Variants in CDH23 observed in about 807,000 individuals in gnomAD.
CDH23 encodes cadherin related 23.
A neutral mutation model predicts 317.1 loss-of-function variants in CDH23; 189 were observed. The ratio of observed to expected loss-of-function variants is 0.60; its 90% CI spans 0.53 to 0.67. The LOEUF (loss-of-function observed/expected upper bound fraction) is 0.67, where lower values mean the gene tolerates loss of function less well. Ranked by LOEUF, CDH23 falls within the 30% of genes least tolerant of loss-of-function variation. The pLI, the probability that CDH23 is intolerant of heterozygous loss-of-function variation, is 0.00. For synonymous variants in CDH23, 1,839 were observed against 1,876.8 expected, an observed-to-expected ratio of 0.98 and a Z score of 0.52; for missense variants, 4,401 against 4,592.4, an observed-to-expected ratio of 0.96 and a Z score of 1.20.
At chr10:71,799,461 C>T in intron 51 of CDH23, 31 bp from the exon 52 acceptor site, 8 of 1,613,680 alleles carry the variant, frequency 5.0e-6, no homozygotes, top group African/African-American at 1.3e-5. Context: ...TGACCTTGGC[C>T]TACTCTCTCT....
Position 71,501,748 on chromosome 10 carries a change from G to T in CDH23, c.146-8334G>T, listed in dbSNP as rs1167684892. 3.3e-5 allele frequency among the ~76,000 whole-genome samples: 5 copies of T among 152,226 alleles called. No individual in the cohort carries two copies. The East Asian group carries it at 7.7e-4, about 23-fold the overall frequency. On this transcript the variant is annotated intron_variant, in intron 3 of 69. Transcript: ENST00000224721. ...AGAGGAGAGACAAATGAGATGGCAG[G>T]CTCCAAGGCCAGCTCAGGCTCTGGG... is the stretch of plus-strand genomic sequence containing the variant.
chr10:71,562,992 T>G (rs1340037114), intron 6 of CDH23, among the ~76,000 whole-genome samples: 2 of 152,188 alleles, frequency 1.3e-5, no homozygotes, highest in Non-Finnish European at 2.9e-5. Flanking sequence ...CTGAAGTCAC[T>G]TGGAACAAAC....
rs1840004889 is a variant in CDH23, at chr10:71,751,639, T to C, written c.4845+9718T>C. ...CATGAGGTCATGACCTTACAGGTCA[T>C]CGTGCTGTGAAGGTCAGGAAACACT... On this transcript the variant is annotated intron_variant, in intron 38 of 69. Transcript: ENST00000224721. This position sits in a 1 kb window ranked among gnomAD's most constrained non-coding sequence, Gnocchi z 4.9. 2 of 1,512,730 alleles carry C rather than the reference T, an allele frequency of 1.3e-6. No homozygotes were observed. The highest frequency in any genetic ancestry group is 1.4e-5 in the African/African-American group (1 of 71,582). 93.7% of individuals were successfully genotyped at this position (1,512,730 alleles called of 1,614,324 possible). A position where few individuals can be genotyped will look rare whatever the true frequency, so the allele number is the denominator to read the frequency against.
chr10:71,476,374 A>G (rs1444035917), intron 3 of CDH23, among the ~76,000 whole-genome samples: 1 of 152,114 alleles, frequency 6.6e-6, no homozygotes, highest in African/African-American at 2.4e-5. Flanking sequence ...CAGGCTTCTC[A>G]CTGTATTGAG....
At chr10:71,691,808 A>C (rs1174214850) in intron 20 of CDH23, among the ~76,000 whole-genome samples, 1 of 152,220 alleles carries the variant, frequency 6.6e-6, no homozygotes, top group Non-Finnish European at 1.5e-5. Flanking sequence ...GCAGGGCATC[A>C]GCTCTTCCTG....
In CDH23 at chr10:71,570,654, A is replaced by T. The variant is rs144688451; in HGVS notation, c.625-136A>T. 632 of 928,852 alleles carry T rather than the reference A, an allele frequency of 6.8e-4. 1 individual carries two copies. Among genetic ancestry groups the T allele is most frequent in the Non-Finnish European group, 6.3e-5 (39 of 618,136 alleles). 57.5% of individuals were successfully genotyped at this position (928,852 alleles called of 1,614,324 possible). On this transcript the variant is annotated intron_variant, in intron 7 of 69. Transcript: ENST00000224721. Reference sequence around the variant, plus strand: ...CCCTTCCCTGCTGGAGTGCAAGAGCATGGGTGTGTGTGTGCGTGTGCATGT... The same window carrying T: ...CCCTTCCCTGCTGGAGTGCAAGAGCTTGGGTGTGTGTGTGCGTGTGCATGT...
intron 34 of CDH23, among the ~76,000 whole-genome samples, chr10:71,737,501 G>A (rs1589386920): frequency 6.6e-6 from 1 of 152,216 alleles, no homozygotes; most frequent in African/African-American, 2.4e-5. Context: ...CTGTATAGAA[G>A]GAAGAATGAC....
At chr10:71,771,998 C>T (rs1247723191) in intron 38 of CDH23, among the ~76,000 whole-genome samples, 3 of 152,252 alleles carry the variant, frequency 2.0e-5, no homozygotes, top group East Asian at 3.8e-4. Context: ...GGGATGCTGG[C>T]TTGCCTGCCT....
chr10:71,731,026 CT>C (rs1281851625), intron 31 of CDH23, among the ~76,000 whole-genome samples: 13 of 152,248 alleles, frequency 8.5e-5, no homozygotes, highest in African/African-American at 3.1e-4. Context: ...CGCAGACCCC[CT>C]GACCCTGTAC....
At chr10:71,613,054 G>A (rs1035578259) in intron 9 of CDH23, among the ~76,000 whole-genome samples, 6 of 152,128 alleles carry the variant, frequency 3.9e-5, no homozygotes, top group Non-Finnish European at 7.4e-5. Context: ...TTGCCATGTT[G>A]GCCAGGCTGG....
At chr10:71,403,597 A>G (rs1010987044) in intron 1 of CDH23, among the ~76,000 whole-genome samples, 1 of 145,832 alleles carries the variant, frequency 6.9e-6, no homozygotes, top group East Asian at 2.1e-4. Flanking sequence ...GCTTACTGCA[A>G]CCTCCGCCTC....
At chr10:71,788,205 G>A (rs9416007) in intron 44 of CDH23, among the ~76,000 whole-genome samples, 77,623 of 151,852 alleles carry the variant, frequency 0.51, 20,232 homozygotes, top group Middle Eastern at 0.7. Flanking sequence ...AAGCCATCAT[G>A]CCCAGCTAAT....
intron 11 of CDH23, among the ~76,000 whole-genome samples, chr10:71,639,685 C>T (rs935083641): frequency 1.3e-5 from 2 of 152,156 alleles, no homozygotes; most frequent in Admixed American, 6.5e-5. Context: ...AGTGGACTGA[C>T]GCTGTCTTTG....
intron 35 of CDH23, 127 bp downstream of exon 35, chr10:71,738,774 C>G: frequency 8.4e-7 from 1 of 1,196,768 alleles, no homozygotes; most frequent in Non-Finnish European, 1.2e-6. Context: ...TCTGCCCCTG[C>G]AATCACCCAG....
Position 71,425,232 on chromosome 10 carries a change from G to GAGA in CDH23, c.-5-14595_-5-14594insAGA, listed in dbSNP as rs1849006230. On this transcript the variant is annotated intron_variant, in intron 1 of 69. Transcript: ENST00000224721. ...ATCACAGTGGGGCAGAGAGAGAGAG[G>GAGA]GAGAGAGAGAGAGAGAGAGAGAGAG... is the stretch of plus-strand genomic sequence containing the variant. 4.6e-3 allele frequency among the ~76,000 whole-genome samples: 338 copies of GAGA among 73,960 alleles called. 31 individuals carry two copies. The highest frequency in any genetic ancestry group is 0.012 in the African/African-American group (264 of 21,550). 48.5% of individuals were successfully genotyped at this position (73,960 alleles called of 152,430 possible).
chr10:71,666,903 A>C (rs1489957023), intron 14 of CDH23, among the ~76,000 whole-genome samples: 1 of 152,238 alleles, frequency 6.6e-6, no homozygotes, highest in African/African-American at 2.4e-5. Flanking sequence ...TGAGGAAAGC[A>C]TTACCAGCGA....
chr10:71,809,165 TCC>T (rs1266606703), intron 60 of CDH23, among the ~76,000 whole-genome samples: 8 of 135,004 alleles, frequency 5.9e-5, no homozygotes, highest in Non-Finnish European at 1.1e-4. Flanking sequence ...GTTTTCTTTT[TCC>T]TTTTTTTTTT....
chr10:71,512,511 C>T (rs1023941869), intron 6 of CDH23, among the ~76,000 whole-genome samples: 75 of 152,350 alleles, frequency 4.9e-4, no homozygotes, highest in African/African-American at 1.7e-3. Context: ...TGCCAGCCTG[C>T]ACTCCGGGCC....
intron 14 of CDH23, among the ~76,000 whole-genome samples, chr10:71,654,068 C>T (rs529479164): frequency 1.5e-3 from 229 of 152,290 alleles, no homozygotes; most frequent in African/African-American, 5.2e-3. Context: ...CTGAGTCTAG[C>T]CTCAAGGAAC....
Sources: gnomAD v4.1 joint callset for allele counts (sites outside exome capture counted in the v4.1 genomes callset) on GRCh38, gnomAD v4.1.1 for gene constraint, Gnocchi (gnomAD v3.1) non-coding constraint, MANE v1.5 for transcripts, NCBI Gene and HGNC (gene_info 2026-07-23, HGNC 2026-07-21) for gene names.